The following KIF26B variants were observed in gnomAD, a reference collection of about 807,000 sequenced individuals.
KIF26B encodes kinesin-like protein KIF26B.
In KIF26B, 63 loss-of-function variants were observed where a neutral mutation model predicts 151.2. That is an observed-to-expected ratio of 0.42 (90% CI 0.34 to 0.51). The LOEUF is 0.51. Ranked by LOEUF, KIF26B falls within the 20% of genes least tolerant of loss-of-function variation. The pLI, the probability that KIF26B is intolerant of heterozygous loss-of-function variation, is 0.07. For synonymous variants in KIF26B, 1,357 were observed against 1,262.1 expected (o/e 1.08, Z -1.59); for missense variants, 2,813 against 2,913.6 (o/e 0.97, Z 0.79).
At chr1:245,457,380 G>A (rs1297283207) in intron 4 of KIF26B, among the ~76,000 whole-genome samples, 1 of 152,180 alleles carries the variant, frequency 6.6e-6, no homozygotes, top group East Asian at 1.9e-4. Context: ...GAACATCACA[G>A]AGGACAAATA....
chr1:245,497,943 C>G (rs1394798003), intron 4 of KIF26B, among the ~76,000 whole-genome samples: 1 of 152,202 alleles, frequency 6.6e-6, no homozygotes, highest in African/African-American at 2.4e-5. Context: ...AGGGTTTCAC[C>G]TTGTTGGCCA....
intron 4 of KIF26B, among the ~76,000 whole-genome samples, chr1:245,535,758 A>G (rs971579636): frequency 6.6e-6 from 1 of 152,218 alleles, no homozygotes; most frequent in African/African-American, 2.4e-5. Flanking sequence ...TTCAGATACA[A>G]TACGGTACAA....
chr1:245,197,141 T>C (rs1166266853), intron 2 of KIF26B, among the ~76,000 whole-genome samples: 2 of 152,176 alleles, frequency 1.3e-5, no homozygotes, highest in African/African-American at 4.8e-5. Context: ...TCATAAATAT[T>C]TGGTGATTGA....
At chr1:245,561,883 G>A (rs1004301351) in intron 5 of KIF26B, among the ~76,000 whole-genome samples, 11 of 152,156 alleles carry the variant, frequency 7.2e-5, no homozygotes, top group South Asian at 4.1e-4. Flanking sequence ...CACTACTGAC[G>A]TAAATGTCAG....
intron 4 of KIF26B, among the ~76,000 whole-genome samples, chr1:245,521,075 C>A (rs183328853): frequency 6.6e-6 from 1 of 152,120 alleles, no homozygotes; most frequent in Non-Finnish European, 1.5e-5. Flanking sequence ...TGGTGGCTCA[C>A]GCCTGTAATC....
rs115084380 is a variant in KIF26B, at chr1:245,488,598, G to A, written c.1167-52169G>A. ...CCACATCCATCCCTGGAATTAGATC[G>A]GAGCCACAGATGCTATCACTCCTCT... On this transcript the variant is annotated intron_variant, in intron 4 of 14. Transcript: ENST00000407071. The surrounding 1 kb of genome is among the most constrained non-coding windows in gnomAD (Gnocchi z 4.6). 2.3e-3 allele frequency among the ~76,000 whole-genome samples: 349 copies of A among 152,294 alleles called. 1 individual carries two copies. The highest frequency in any genetic ancestry group is 3.4e-3 in the Middle Eastern group (1 of 294).
intron 4 of KIF26B, among the ~76,000 whole-genome samples, chr1:245,504,833 A>G (rs973206102): frequency 6.6e-6 from 1 of 152,356 alleles, no homozygotes; most frequent in African/African-American, 2.4e-5. Flanking sequence ...GAGCAAGACT[A>G]CAAAAGAAAT....
At chr1:245,647,253 A>G (rs902221089) in intron 10 of KIF26B, among the ~76,000 whole-genome samples, 2 of 151,822 alleles carry the variant, frequency 1.3e-5, no homozygotes, top group Middle Eastern at 3.2e-3. Flanking sequence ...GTGAAACCCC[A>G]TCTCTACTAA....
chr1:245,560,286 A>G lies in KIF26B; in HGVS notation c.1350+19336A>G, dbSNP rs1771497. Among the ~76,000 whole-genome samples, 5,264 of 152,280 alleles carry G rather than the reference A, an allele frequency of 0.035. 332 individuals carry two copies. The highest frequency in any genetic ancestry group is 0.12 in the African/African-American group (4,837 of 41,554). ...CTTTTTCCCTTTTGGAAGGAGACCC[A>G]GATACCCTCCAGACATAGGTCCGGC... On this transcript the variant is annotated intron_variant, in intron 5 of 14. Coordinates refer to ENST00000407071, the MANE Select transcript of KIF26B (RefSeq NM_018012.4). The surrounding 1 kb of genome is among the most constrained non-coding windows in gnomAD (Gnocchi z 4.3).
At chr1:245,678,819 C>T (rs1014626567) in intron 10 of KIF26B, among the ~76,000 whole-genome samples, 22 of 151,788 alleles carry the variant, frequency 1.4e-4, no homozygotes, top group African/African-American at 5.1e-4. Flanking sequence ...GCTGAGATCA[C>T]ACTACTGCAC....
intron 2 of KIF26B, among the ~76,000 whole-genome samples, chr1:245,228,985 G>A (rs940256959): frequency 4.6e-5 from 7 of 151,832 alleles, no homozygotes; most frequent in Admixed American, 1.3e-4. Flanking sequence ...TATTTATTTT[G>A]AGACAGGGTC....
At chr1:245,173,217 G>C (rs967414010) in intron 2 of KIF26B, among the ~76,000 whole-genome samples, 2 of 152,256 alleles carry the variant, frequency 1.3e-5, no homozygotes, top group African/African-American at 4.8e-5. Context: ...GACATAGAAA[G>C]TAGGATGGTG....
chr1:245,612,093 TGTGTGTGTGTGTGAGAGA>T (rs1558236334), intron 9 of KIF26B, 117 bp downstream of exon 9: 89 of 726,628 alleles, frequency 1.2e-4, no homozygotes, highest in Admixed American at 5.7e-4. Flanking sequence ...TGTGTGTGTG[TGTGTGTGTGTGTGAGAGA>T]GAGAGAGAGA....
rs1394465262 is a variant in KIF26B, at chr1:245,352,206, A to G, written c.466-14628A>G. Among the ~76,000 whole-genome samples the G allele has an allele frequency of 2.0e-5, 3 of 152,218 alleles. No individual in the cohort carries two copies. The highest frequency in any genetic ancestry group is 4.1e-4 in the South Asian group (2 of 4,834). ...CAAAACCAAAGTTAAAATTGATTTT[A>G]AAGTGTCTTCTAGGTTTTTATTCTA... On this transcript the variant is annotated intron_variant, in intron 2 of 14. Coordinates refer to ENST00000407071, the MANE Select transcript of KIF26B (RefSeq NM_018012.4). The surrounding 1 kb of genome is among the most constrained non-coding windows in gnomAD (Gnocchi z 5.0).
At chr1:245,701,498 C>CAGTG (rs1451450058) in intron 14 of KIF26B, among the ~76,000 whole-genome samples, 6 of 152,166 alleles carry the variant, frequency 3.9e-5, no homozygotes, top group African/African-American at 9.7e-5. Flanking sequence ...GTGTCAGCCT[C>CAGTG]AGTGAGTCAC....
intron 14 of KIF26B, among the ~76,000 whole-genome samples, chr1:245,701,485 A>C (rs1439688104): frequency 3.3e-5 from 5 of 152,134 alleles, no homozygotes; most frequent in Admixed American, 6.5e-5. Context: ...GTCCTGGTTA[A>C]CTGTGTCAGC....
At chr1:245,259,829 G>A (rs1470886050) in intron 2 of KIF26B, among the ~76,000 whole-genome samples, 1 of 151,882 alleles carries the variant, frequency 6.6e-6, no homozygotes, top group African/African-American at 2.4e-5. Context: ...CAGCTCCTTG[G>A]GAGGGTGAGG....
intron 2 of KIF26B, among the ~76,000 whole-genome samples, chr1:245,321,737 G>A (rs554444089): frequency 2.0e-5 from 3 of 152,290 alleles, no homozygotes; most frequent in Admixed American, 6.5e-5. Context: ...TGATTGAGCC[G>A]CAATTGGCCA....
At chr1:245,515,366 T>G (rs1467902502) in intron 4 of KIF26B, among the ~76,000 whole-genome samples, 1 of 152,110 alleles carries the variant, frequency 6.6e-6, no homozygotes, top group Non-Finnish European at 1.5e-5. Context: ...CCTTTCCCAC[T>G]CGACTGTCAT....
Sources: allele counts gnomAD v4.1 joint callset (sites outside exome capture counted in the v4.1 genomes callset), GRCh38; gene constraint gnomAD v4.1.1; non-coding constraint Gnocchi (gnomAD v3.1); transcripts MANE v1.5; gene names NCBI Gene and HGNC (gene_info 2026-07-23, HGNC 2026-07-21).